Variants in MYH11 observed in about 807,000 individuals in gnomAD.
MYH11 encodes myosin heavy chain 11.
MYH11 carries 80 observed loss-of-function variants against 246.6 expected under a neutral mutation model. That is an observed-to-expected ratio of 0.32 (90% confidence interval 0.27 to 0.39). The LOEUF (loss-of-function observed/expected upper bound fraction) is 0.39, where lower values mean the gene tolerates loss of function less well. MYH11 is among the 10% of genes least tolerant of loss of function. The pLI, the probability that MYH11 is intolerant of heterozygous loss-of-function variation, is 1.00. For missense variants in MYH11, 2,158 were observed against 2,546.8 expected (o/e 0.85, Z 3.29); for synonymous variants, 1,071 against 1,015.5 (o/e 1.05, Z -1.04).
Position 15,703,588 on chromosome 16 carries a change from G to GGGTGGT in MYH11, c.*397_*402dup, listed in dbSNP as rs1223573737. The stretch of plus-strand genomic sequence containing the variant: ...TTTACCTTGAATACAGGGGTAGTAG[G>GGGTGGT]GGTGGTGGTGGTGGTGGTGGTTGAG... On this transcript the variant is annotated 3_prime_UTR_variant, in exon 41 of 41. Transcript: ENST00000300036. The GGGTGGT allele has an allele frequency of 2.7e-5, 10 of 375,904 alleles. No homozygotes were observed. The highest frequency in any genetic ancestry group is 8.1e-5 in the African/African-American group (4 of 49,636). 23.3% of individuals were successfully genotyped at this position (375,904 alleles called of 1,614,324 possible). A position where few individuals can be genotyped will look rare whatever the true frequency, so the allele number is the denominator to read the frequency against.
rs1181113284 is a variant in MYH11 at position 15,735,348 on chromosome 16, G to C, written c.3506+18C>G. The C allele has an allele frequency of 6.2e-7, 1 of 1,612,780 alleles. No individual in the cohort carries two copies. The highest frequency in any genetic ancestry group is 1.3e-5 in the African/African-American group (1 of 74,878). On this transcript the variant is annotated intron_variant, in intron 26 of 40. Coordinates refer to ENST00000300036, the MANE Select transcript of MYH11 (RefSeq NM_002474.3). ...GTGCAGTGGGATAGCAGGATGGTGG[G>C]ATTGATGGGCCCCTCACCTGAGCTC...
rs532120094 is a variant in MYH11 at position 15,750,517 on chromosome 16, G to A, written c.1865-186C>T. Among the ~76,000 whole-genome samples the A allele has an allele frequency of 6.6e-6, 1 of 152,268 alleles. No homozygotes were observed. The highest frequency in any genetic ancestry group is 2.1e-4 in the South Asian group (1 of 4,824). On this transcript the variant is annotated intron_variant, in intron 15 of 40. Transcript: ENST00000300036. The surrounding 1 kb of genome is among the most constrained non-coding windows in gnomAD (Gnocchi z 4.3). ...GGGAAATCCTGAGAGCACCTGAGTG[G>A]CAGAAAGAACAAATTCCCTGTGATG... is the stretch of plus-strand genomic sequence containing the variant.
chr16:15,853,880 C>T (rs1381078870), intron 1 of MYH11, among the ~76,000 whole-genome samples: 1 of 152,070 alleles, frequency 6.6e-6, no homozygotes, highest in African/African-American at 2.4e-5. Context: ...AAAAATTAGC[C>T]AGGCATGGTG....
At chr16:15,755,117 C>T (rs8051312) in intron 14 of MYH11, among the ~76,000 whole-genome samples, 2,522 of 152,296 alleles carry the variant, frequency 0.017, 69 homozygotes, top group African/African-American at 0.057. Context: ...TGGGCCAGAT[C>T]GGACTCTGTT....
chr16:15,753,592 C>A (rs2041632216), intron 14 of MYH11, 84 bp from the exon 15 acceptor site: 3 of 1,009,382 alleles, frequency 3.0e-6, no homozygotes, highest in Non-Finnish European at 3.2e-6. Flanking sequence ...CTCCCATTGT[C>A]CTTCCAGATC....
chr16:15,775,255 A>G (rs1442600911), intron 8 of MYH11, among the ~76,000 whole-genome samples: 1 of 152,228 alleles, frequency 6.6e-6, no homozygotes, highest in Non-Finnish European at 1.5e-5. Flanking sequence ...ACTTTTCCCT[A>G]CAACAGAGGT....
At chr16:15,730,302 C>T (rs968183745) in intron 27 of MYH11, among the ~76,000 whole-genome samples, 1 of 149,670 alleles carries the variant, frequency 6.7e-6, no homozygotes, top group African/African-American at 2.5e-5. Flanking sequence ...GAGGCCAAGG[C>T]AGGTGGATCA....
chr16:15,732,255 G>A (rs570349570), intron 27 of MYH11, among the ~76,000 whole-genome samples: 20 of 151,816 alleles, frequency 1.3e-4, no homozygotes, highest in Non-Finnish European at 2.4e-4. Context: ...GAGCCACCAC[G>A]CCTGGCCTAC....
chr16:15,803,115 C>T (rs1020375940), intron 3 of MYH11, among the ~76,000 whole-genome samples: 4 of 151,276 alleles, frequency 2.6e-5, no homozygotes, highest in African/African-American at 9.7e-5. Flanking sequence ...CCAGCCTGGG[C>T]AACAGAGCAA....
intron 12 of MYH11, among the ~76,000 whole-genome samples, chr16:15,759,045 C>T (rs558034115): frequency 2.4e-4 from 37 of 151,958 alleles, no homozygotes; most frequent in African/African-American, 8.2e-4. Context: ...GTAAAGGATC[C>T]AATATCCATG....
intron 1 of MYH11, among the ~76,000 whole-genome samples, chr16:15,849,363 C>T (rs1198079296): frequency 6.6e-6 from 1 of 152,194 alleles, no homozygotes; most frequent in East Asian, 1.9e-4. Context: ...ACAAATGACT[C>T]TGTCACCTTT....
At chr16:15,824,534 G>A (rs2151361663) in intron 2 of MYH11, among the ~76,000 whole-genome samples, 2 of 152,324 alleles carry the variant, frequency 1.3e-5, no homozygotes, top group Middle Eastern at 3.4e-3. Flanking sequence ...GCCAGTCTCA[G>A]CCTCCCAAAG....
In MYH11 at chr16:15,724,114, C is replaced by T. The variant is rs201124471; in HGVS notation, c.4365+47G>A. Reference sequence around the variant, plus strand: ...GTCATACTCTGCAGAGCTGATTCCCCAACCCAGCGTCCATGGCCAGAGTGG... The same window carrying T: ...GTCATACTCTGCAGAGCTGATTCCCTAACCCAGCGTCCATGGCCAGAGTGG... On this transcript the variant is annotated intron_variant, in intron 31 of 40. Transcript: ENST00000300036. 4 of 1,610,204 alleles carry T rather than the reference C, an allele frequency of 2.5e-6. No individual in the cohort carries two copies. In the African/African-American group the frequency reaches 5.3e-5, roughly 22 times the overall value.
At chr16:15,840,895 A>T (rs1341306243) in intron 1 of MYH11, among the ~76,000 whole-genome samples, 4 of 152,202 alleles carry the variant, frequency 2.6e-5, no homozygotes, top group African/African-American at 9.6e-5. Flanking sequence ...TACTTTATAT[A>T]GATTATACCT....
chr16:15,814,567 A>AG (rs2043219244), intron 3 of MYH11, among the ~76,000 whole-genome samples: 2 of 142,828 alleles, frequency 1.4e-5, no homozygotes, highest in Admixed American at 1.4e-4. Context: ...AAAAAAAAAA[A>AG]AAAAAAAAAA....
intron 2 of MYH11, among the ~76,000 whole-genome samples, chr16:15,828,328 T>C (rs1419965337): frequency 6.6e-6 from 1 of 152,180 alleles, no homozygotes; most frequent in Non-Finnish European, 1.5e-5. Flanking sequence ...CTCCCTTCAT[T>C]TCACGAGAGG....
intron 14 of MYH11, among the ~76,000 whole-genome samples, chr16:15,755,405 C>G (rs1384084844): frequency 1.3e-5 from 2 of 152,146 alleles, no homozygotes; most frequent in Admixed American, 6.5e-5. Flanking sequence ...TTTGTTGAAG[C>G]CAGGTGTGGA....
At chr16:15,725,995 A>G (rs2040735597) in intron 28 of MYH11, 2 of 303,354 alleles carry the variant, frequency 6.6e-6, no homozygotes, top group Non-Finnish European at 1.2e-5. Context: ...CTCCAGCTCT[A>G]CTGGCTGTAT....
rs549933627 is a variant in MYH11 at position 15,720,256 on chromosome 16, A to G, written c.4848T>C (p.Ala1616=). The G allele has an allele frequency of 6.2e-7, 1 of 1,614,072 alleles. No individual in the cohort carries two copies. The highest frequency in any genetic ancestry group is 8.5e-7 in the Non-Finnish European group (1 of 1,180,016). Residue 1616 remains alanine, a synonymous_variant, in exon 34 of 41, where the codon GCT becomes GCC. Coordinates refer to ENST00000300036, the MANE Select transcript of MYH11 (RefSeq NM_002474.3). ...EDERKQRALA[A]AAKKKLEGDL... ...CCCCTTCCAGCTTCTTCTTTGCTGCAGCTGCCAGGGCACGTTGCTTTCGCT... is the reference window on the plus strand; with the variant it reads ...CCCCTTCCAGCTTCTTCTTTGCTGCGGCTGCCAGGGCACGTTGCTTTCGCT...
Sources: gnomAD v4.1 joint callset for allele counts (sites outside exome capture counted in the v4.1 genomes callset) on GRCh38, gnomAD v4.1.1 for gene constraint, Gnocchi (gnomAD v3.1) non-coding constraint, MANE v1.5 for transcripts, NCBI Gene and HGNC (gene_info 2026-07-23, HGNC 2026-07-21) for gene names.